The following MERTK variants were observed in gnomAD, a reference collection of about 807,000 sequenced individuals.
MERTK encodes MER proto-oncogene, tyrosine kinase.
MERTK carries 69 observed loss-of-function variants against 99.3 expected under a neutral mutation model. That is an observed-to-expected ratio of 0.70 (90% CI 0.57 to 0.85). The LOEUF is 0.85. Ranked by LOEUF, MERTK falls within the 40% of genes least tolerant of loss-of-function variation. The pLI is 0.00. For synonymous variants in MERTK, 426 were observed against 467.6 expected (o/e 0.91, Z 1.15); for missense variants, 1,125 against 1,249.4 (o/e 0.90, Z 1.50).
chr2:112,021,332 A>G, intron 16 of MERTK, 90 bp from the exon 17 acceptor site: 3 of 1,579,096 alleles, frequency 1.9e-6, no homozygotes, highest in Non-Finnish European at 1.7e-6. Flanking sequence ...TTGGTCAATT[A>G]TCATAAGTGT....
chr2:111,941,778 A>G (rs1573587927), intron 2 of MERTK, among the ~76,000 whole-genome samples: 2 of 152,188 alleles, frequency 1.3e-5, no homozygotes, highest in Non-Finnish European at 1.5e-5. Context: ...GCAGGTGCCT[A>G]TTTTTACCAG....
intron 8 of MERTK, among the ~76,000 whole-genome samples, chr2:111,987,603 A>G (rs1676510480): frequency 6.6e-6 from 1 of 152,200 alleles, no homozygotes; most frequent in Non-Finnish European, 1.5e-5. Flanking sequence ...CATGAATGGG[A>G]CAGTCTTTTA....
intron 4 of MERTK, among the ~76,000 whole-genome samples, chr2:111,960,969 G>A (rs1244180869): frequency 6.6e-6 from 1 of 151,420 alleles, no homozygotes; most frequent in Non-Finnish European, 1.5e-5. Flanking sequence ...GTATCACAGG[G>A]ATCCTTTTAT....
chr2:112,022,392 A>G lies in MERTK; in HGVS notation c.2484A>G (p.Glu828=). The G allele has an allele frequency of 6.2e-7, 1 of 1,614,200 alleles. No individual in the cohort carries two copies. The highest frequency in any genetic ancestry group is 8.5e-7 in the Non-Finnish European group (1 of 1,180,046). ...RLKQPEDCLD[E]LYEIMYSCWR... ...AGCAGCCCGAAGACTGCCTGGATGA[A>G]CTGTGAGTGGGCTTCTCTGTCTCCC... Residue 828 remains glutamate (E), a splice_region_variant and synonymous_variant, in exon 18 of 19, where the codon GAA becomes GAG. Transcript: ENST00000295408.
intron 2 of MERTK, among the ~76,000 whole-genome samples, chr2:111,943,955 G>C (rs774905486): frequency 8.5e-5 from 13 of 152,154 alleles, no homozygotes; most frequent in Non-Finnish European, 1.6e-4. Context: ...ATGCCTTGAG[G>C]GGGCAGTACC....
intron 2 of MERTK, among the ~76,000 whole-genome samples, chr2:111,934,939 A>G (rs184251781): frequency 2.0e-5 from 3 of 152,284 alleles, no homozygotes; most frequent in Non-Finnish European, 4.4e-5. Flanking sequence ...GGTTTAGAGT[A>G]TCTAATGGCC....
Position 111,929,503 on chromosome 2 carries a change from C to G in MERTK, c.445C>G (p.Pro149Ala). 6.2e-7 allele frequency: 1 copy of G among 1,613,902 alleles called. No homozygotes were observed. ...GAHHAITQFY[P>A]DDEVTAIIAS... ...ACATCATGCAATTACACAGTTTTAT[C>G]CAGATGATGAAGTTACAGCAATAAT... Residue 149 changes from proline to alanine, a missense_variant, in exon 2 of 19, where the codon CCA (proline) becomes GCA (alanine). Transcript: ENST00000295408.
chr2:111,999,916 A>G (rs1300577579), intron 10 of MERTK, among the ~76,000 whole-genome samples: 1 of 152,306 alleles, frequency 6.6e-6, no homozygotes, highest in East Asian at 1.9e-4. Context: ...CAGGGGGTGG[A>G]TCTTGCAAAG....
At chr2:111,929,703 C>T (rs1684635737) in intron 2 of MERTK, among the ~76,000 whole-genome samples, 163 bp downstream of exon 2, 1 of 151,972 alleles carries the variant, frequency 6.6e-6, no homozygotes, top group Admixed American at 6.6e-5. Flanking sequence ...TCTCCTGCCT[C>T]AGCCTCCGGC....
Position 111,966,291 on chromosome 2 carries a change from T to C in MERTK, c.844+1014T>C, listed in dbSNP as rs139241417. ...CAAAAGAAGTTATACTCAAAAAAGA[T>C]GCTAATTTTAGTTTCAGCAAATCAA... On this transcript the variant is annotated intron_variant, in intron 5 of 18. Coordinates refer to ENST00000295408, the MANE Select transcript of MERTK (RefSeq NM_006343.3). 6.5e-3 allele frequency among the ~76,000 whole-genome samples: 985 copies of C among 152,264 alleles called. 14 individuals are homozygous for C. Among genetic ancestry groups the C allele is most frequent in the African/African-American group, 0.023 (949 of 41,538 alleles).
chr2:112,004,072 A>C (rs2104407675), intron 13 of MERTK, 88 bp downstream of exon 13: 601 of 1,196,692 alleles, frequency 5.0e-4, no homozygotes, highest in Non-Finnish European at 6.8e-4. Context: ...TCACAATCTC[A>C]GTTCCCAGTG....
At chr2:111,959,724 G>T (rs1046237693) in intron 4 of MERTK, among the ~76,000 whole-genome samples, 1 of 152,004 alleles carries the variant, frequency 6.6e-6, no homozygotes, top group Non-Finnish European at 1.5e-5. Flanking sequence ...CGAACTTCTG[G>T]ACTCAAGCAA....
intron 10 of MERTK, among the ~76,000 whole-genome samples, chr2:111,997,748 T>C (rs1676781320): frequency 6.6e-6 from 1 of 152,148 alleles, no homozygotes; most frequent in Admixed American, 6.5e-5. Context: ...AGTGAGGACT[T>C]TTATTAGAAG....
At chr2:111,974,568 G>C (rs969330107) in intron 6 of MERTK, among the ~76,000 whole-genome samples, 2 of 151,834 alleles carry the variant, frequency 1.3e-5, no homozygotes, top group Non-Finnish European at 2.9e-5. Flanking sequence ...TCAGGAGTTC[G>C]AGGCCAGCAT....
chr2:111,934,505 C>T (rs576598909), intron 2 of MERTK, among the ~76,000 whole-genome samples: 49 of 152,056 alleles, frequency 3.2e-4, no homozygotes, highest in Non-Finnish European at 6.6e-4. Context: ...GTTTGTTGGC[C>T]GCATAAATGT....
chr2:111,961,318 G>A (rs1480763869), intron 4 of MERTK, among the ~76,000 whole-genome samples: 2 of 151,424 alleles, frequency 1.3e-5, no homozygotes, highest in East Asian at 3.9e-4. Context: ...CCGCCACAAC[G>A]CCCGGCTAAT....
In MERTK at chr2:111,994,343, C is replaced by T. The variant is rs764758778; in HGVS notation, c.1389C>T (p.Ala463=). 168 of 1,613,992 alleles carry T rather than the reference C, an allele frequency of 1.0e-4. 1 individual carries two copies. Among genetic ancestry groups the T allele is most frequent in the Non-Finnish European group, 1.4e-4 (166 of 1,180,040 alleles). ...CTACGTGCACAGTGAGGATTGCAGCCGTCACCAGAGGGGGAGTTGGGCCCT... is the reference window on the plus strand; with the variant it reads ...CTACGTGCACAGTGAGGATTGCAGCTGTCACCAGAGGGGGAGTTGGGCCCT... ...HNATCTVRIA[A]VTRGGVGPFS... The change falls in exon 9 of 19, where the codon GCC becomes GCT. Residue 463 remains alanine (A), a synonymous_variant. Transcript: ENST00000295408.
intron 6 of MERTK, among the ~76,000 whole-genome samples, chr2:111,973,496 TG>T (rs1265097375): frequency 6.6e-6 from 1 of 152,170 alleles, no homozygotes; most frequent in African/African-American, 2.4e-5. Flanking sequence ...CCAGGGGATT[TG>T]GAATTCCAGA....
At chr2:111,950,869 T>G (rs751267289) in intron 4 of MERTK, among the ~76,000 whole-genome samples, 4 of 152,212 alleles carry the variant, frequency 2.6e-5, no homozygotes, top group Admixed American at 1.3e-4. Context: ...AAAAGACATC[T>G]TGACAATATT....
Sources: gnomAD v4.1 joint callset for allele counts (sites outside exome capture counted in the v4.1 genomes callset) on GRCh38, gnomAD v4.1.1 for gene constraint, MANE v1.5 for transcripts, NCBI Gene and HGNC (gene_info 2026-07-23, HGNC 2026-07-21) for gene names.